The following KCNK5 variants were observed in gnomAD, a reference collection of about 807,000 sequenced individuals.
The protein encoded by KCNK5 is potassium channel subfamily K member 5.
KCNK5 carries 18 observed loss-of-function variants against 32.9 expected under a neutral mutation model. The observed-to-expected ratio is 0.55, with a 90% confidence interval of 0.38 to 0.81. KCNK5 has a LOEUF of 0.81. Ranked by LOEUF, KCNK5 falls within the 30% of genes least tolerant of loss-of-function variation. KCNK5 has a pLI of 0.00. For missense variants in KCNK5, 507 were observed against 651.0 expected (o/e 0.78, Z 2.41); for synonymous variants, 276 against 275.3 (o/e 1.00, Z -0.03).
intron 1 of KCNK5, among the ~76,000 whole-genome samples, chr6:39,196,480 G>A (rs886857222): frequency 1.3e-5 from 2 of 152,204 alleles, no homozygotes; most frequent in African/African-American, 4.8e-5. Flanking sequence ...GCCCTCCATG[G>A]AGGGTGTTCT....
At chr6:39,220,125 C>A (rs1771511985) in intron 1 of KCNK5, among the ~76,000 whole-genome samples, 1 of 152,140 alleles carries the variant, frequency 6.6e-6, no homozygotes, top group East Asian at 1.9e-4. Context: ...GCCAACAAGG[C>A]CCCTGGCAGC....
chr6:39,208,405 G>A (rs114368763), intron 1 of KCNK5, among the ~76,000 whole-genome samples: 3 of 151,994 alleles, frequency 2.0e-5, no homozygotes, highest in Admixed American at 6.5e-5. Flanking sequence ...ATCCACCCAC[G>A]GCCTCTGAGC....
intron 1 of KCNK5, among the ~76,000 whole-genome samples, chr6:39,209,250 G>T (rs9462491): frequency 0.092 from 13,950 of 152,226 alleles, 815 homozygotes; most frequent in South Asian, 0.18. Flanking sequence ...CCCAAATAGT[G>T]TAGGAAAGAA....
At chr6:39,205,853 C>T (rs2113787349) in intron 1 of KCNK5, among the ~76,000 whole-genome samples, 1 of 152,222 alleles carries the variant, frequency 6.6e-6, no homozygotes, top group African/African-American at 2.4e-5. Context: ...GGATTGGGCC[C>T]CTGGCACATT....
Position 39,194,781 on chromosome 6 carries a change from G to A in KCNK5, c.299-21C>T, listed in dbSNP as rs745709286. The A allele has an allele frequency of 4.3e-5, 70 of 1,612,278 alleles. No individual in the cohort carries two copies. Among genetic ancestry groups the A allele is most frequent in the Non-Finnish European group, 5.9e-6 (7 of 1,178,934 alleles). Reference sequence around the variant, plus strand: ...ATATCCTGAGGAAGGAGAGAGTGAGGCCAAGAACAGGAGGGGTGGTCAAAC... The same window carrying A: ...ATATCCTGAGGAAGGAGAGAGTGAGACCAAGAACAGGAGGGGTGGTCAAAC... On this transcript the variant is annotated intron_variant, in intron 2 of 4. Coordinates refer to ENST00000359534, the MANE Select transcript of KCNK5 (RefSeq NM_003740.4). The surrounding 1 kb of genome is among the most constrained non-coding windows in gnomAD (Gnocchi z 4.7).
intron 1 of KCNK5, among the ~76,000 whole-genome samples, chr6:39,199,018 T>G (rs896426491): frequency 1.3e-5 from 2 of 152,168 alleles, no homozygotes; most frequent in African/African-American, 4.8e-5. Flanking sequence ...GAATGTTGCA[T>G]GTACCAGGCA....
intron 1 of KCNK5, among the ~76,000 whole-genome samples, chr6:39,204,506 A>C (rs774277065): frequency 6.6e-6 from 1 of 152,242 alleles, no homozygotes; most frequent in African/African-American, 2.4e-5. Flanking sequence ...ATCAGTCACC[A>C]TACTACTTCT....
At chr6:39,207,106 C>G (rs184022924) in intron 1 of KCNK5, among the ~76,000 whole-genome samples, 1 of 152,198 alleles carries the variant, frequency 6.6e-6, no homozygotes, top group African/African-American at 2.4e-5. Flanking sequence ...AGTTCACCCC[C>G]CTGTGCCTTT....
intron 1 of KCNK5, among the ~76,000 whole-genome samples, chr6:39,216,989 C>T (rs1583718718): frequency 6.6e-6 from 1 of 151,646 alleles, no homozygotes; most frequent in African/African-American, 2.4e-5. Context: ...GGTGTGGTGG[C>T]ACATGCCTGT....
At chr6:39,228,688 A>G (rs1307386815) in intron 1 of KCNK5, among the ~76,000 whole-genome samples, 3 of 152,044 alleles carry the variant, frequency 2.0e-5, no homozygotes, top group Non-Finnish European at 2.9e-5. Context: ...ATCAACTCCA[A>G]TTTGTCTCCG....
chr6:39,208,210 C>T, intron 1 of KCNK5, among the ~76,000 whole-genome samples: 1 of 152,066 alleles, frequency 6.6e-6, no homozygotes, highest in South Asian at 2.1e-4. Flanking sequence ...AAACTGTAAA[C>T]CTCTTCATTA....
intron 1 of KCNK5, among the ~76,000 whole-genome samples, chr6:39,222,803 T>C (rs551577686): frequency 6.6e-6 from 1 of 152,352 alleles, no homozygotes; most frequent in South Asian, 2.1e-4. Context: ...AAATACTATA[T>C]GACTCCACTT....
Position 39,229,172 on chromosome 6 carries a change from C to A in KCNK5, c.-61G>T. 1 of 1,556,222 alleles carries A rather than the reference C, an allele frequency of 6.4e-7. No individual in the cohort carries two copies. Among genetic ancestry groups the A allele is most frequent in the South Asian group, 1.1e-5 (1 of 88,572 alleles). Reference sequence around the variant, plus strand: ...CCTAGCCCCAGCTGCTACCAGTCCGCCCGCCCTCCAGCCTCTGAAAACAGC... The same window carrying A: ...CCTAGCCCCAGCTGCTACCAGTCCGACCGCCCTCCAGCCTCTGAAAACAGC... On this transcript the variant is annotated 5_prime_UTR_variant, in exon 1 of 5. Coordinates refer to ENST00000359534, the MANE Select transcript of KCNK5 (RefSeq NM_003740.4).
At chr6:39,219,861 C>T (rs1237653614) in intron 1 of KCNK5, among the ~76,000 whole-genome samples, 2 of 152,208 alleles carry the variant, frequency 1.3e-5, no homozygotes, top group Admixed American at 6.5e-5. Flanking sequence ...CCACTGCCCA[C>T]GAAGGTTGCA....
chr6:39,203,933 C>T (rs568562416), intron 1 of KCNK5, among the ~76,000 whole-genome samples: 18 of 152,322 alleles, frequency 1.2e-4, no homozygotes, highest in Admixed American at 3.3e-4. Context: ...CCTCTCCCCC[C>T]GGGTCAGGTG....
chr6:39,211,040 A>C (rs1042369842), intron 1 of KCNK5, among the ~76,000 whole-genome samples: 12 of 152,178 alleles, frequency 7.9e-5, no homozygotes, highest in Admixed American at 3.3e-4. Context: ...AACCTGGAAA[A>C]CTGAAAATTT....
chr6:39,222,217 C>T (rs1771565259), intron 1 of KCNK5, among the ~76,000 whole-genome samples: 1 of 152,098 alleles, frequency 6.6e-6, no homozygotes, highest in Non-Finnish European at 1.5e-5. Flanking sequence ...GGCCAGGGAC[C>T]CAGACCTGGA....
Position 39,196,058 on chromosome 6 carries a change from A to G in KCNK5, c.187-71T>C, listed in dbSNP as rs1357647421. 7 of 1,041,186 alleles carry G rather than the reference A, an allele frequency of 6.7e-6. 1 individual carries two copies. Among genetic ancestry groups the G allele is most frequent in the Non-Finnish European group, 9.8e-6 (7 of 711,144 alleles). The allele number at this position is 1,041,186 out of a possible 1,614,324, so 64.5% of individuals were successfully genotyped here. A position where few individuals can be genotyped will look rare whatever the true frequency, so the allele number is the denominator to read the frequency against. ...AGATGCTGATTGACAGAACTGCACT[A>G]AACTCCTTGTAAGCATTTTCATTTA... On this transcript the variant is annotated intron_variant, in intron 1 of 4. Transcript: ENST00000359534.
chr6:39,213,238 T>C (rs547747112), intron 1 of KCNK5, among the ~76,000 whole-genome samples: 29 of 152,384 alleles, frequency 1.9e-4, no homozygotes, highest in Admixed American at 3.3e-4. Context: ...GCATGTATTT[T>C]ATCCCTTAAA....
Sources: gnomAD v4.1 joint callset for allele counts (sites outside exome capture counted in the v4.1 genomes callset) on GRCh38, gnomAD v4.1.1 for gene constraint, Gnocchi (gnomAD v3.1) non-coding constraint, MANE v1.5 for transcripts, NCBI Gene and HGNC (gene_info 2026-07-23, HGNC 2026-07-21) for gene names.